The following MACROD2 variants were observed in gnomAD, a reference collection of about 807,000 sequenced individuals.
MACROD2 encodes mono-ADP ribosylhydrolase 2.
A neutral mutation model predicts 70.4 loss-of-function variants in MACROD2; 36 were observed. The observed-to-expected ratio is 0.51, with a 90% confidence interval of 0.39 to 0.68. The LOEUF (loss-of-function observed/expected upper bound fraction) is 0.68, where lower values mean the gene tolerates loss of function less well. MACROD2 is among the 30% of genes least tolerant of loss of function. MACROD2 has a pLI of 0.00. For synonymous variants in MACROD2, 172 were observed against 178.8 expected (o/e 0.96, Z 0.30); for missense variants, 496 against 538.4 (o/e 0.92, Z 0.78).
intron 8 of MACROD2, among the ~76,000 whole-genome samples, chr20:15,516,805 C>T (rs974860010): frequency 1.6e-4 from 24 of 152,246 alleles, no homozygotes; most frequent in African/African-American, 5.8e-4. Context: ...TACTTTCTCC[C>T]ATCATGACTG....
At position 15,738,255 on chromosome 20, in the gene MACROD2, A is replaced by G. The variant is rs2051054329; in HGVS notation, c.646-124490A>G. 3.3e-5 allele frequency among the ~76,000 whole-genome samples: 5 copies of G among 152,354 alleles called. No individual in the cohort carries two copies. In the South Asian group the frequency reaches 6.2e-4, roughly 19 times the overall value. On this transcript the variant is annotated intron_variant, in intron 8 of 17. Transcript: ENST00000684519. Reference sequence around the variant, plus strand: ...GGTGATAGATACCTCATTTATTCTGATATGATTATTACGCATTGCATGCCT... The same window carrying G: ...GGTGATAGATACCTCATTTATTCTGGTATGATTATTACGCATTGCATGCCT...
At chr20:14,387,963 A>G (rs1353226079) in intron 3 of MACROD2, among the ~76,000 whole-genome samples, 1 of 149,390 alleles carries the variant, frequency 6.7e-6, no homozygotes, top group Non-Finnish European at 1.5e-5. Context: ...CCTTTGGTTC[A>G]TTTTAAAATT....
chr20:14,274,733 T>C (rs1428624750), intron 3 of MACROD2, among the ~76,000 whole-genome samples: 1 of 152,230 alleles, frequency 6.6e-6, no homozygotes, highest in East Asian at 1.9e-4. Context: ...GACATGATTG[T>C]ATATGTAGAA....
chr20:14,075,072 C>T (rs999357376), intron 2 of MACROD2, among the ~76,000 whole-genome samples: 12 of 151,878 alleles, frequency 7.9e-5, no homozygotes, highest in Non-Finnish European at 1.3e-4. Flanking sequence ...AAATAATGGC[C>T]CCAAAGCACA....
chr20:14,511,188 G>T (rs2085025553), intron 4 of MACROD2, among the ~76,000 whole-genome samples: 1 of 152,058 alleles, frequency 6.6e-6, no homozygotes, highest in Admixed American at 6.6e-5. Flanking sequence ...GTGTTGACAG[G>T]AGGGAGGCTG....
At chr20:15,887,902 G>A (rs958501750) in intron 10 of MACROD2, among the ~76,000 whole-genome samples, 2 of 151,980 alleles carry the variant, frequency 1.3e-5, no homozygotes, top group Admixed American at 6.5e-5. Flanking sequence ...TTACATACAC[G>A]TTCCAGTTCA....
chr20:15,088,421 ATATATATATATATATATATATATATATAT>A (rs1568567323), intron 5 of MACROD2, among the ~76,000 whole-genome samples: 10 of 35,052 alleles, frequency 2.9e-4, no homozygotes, highest in Non-Finnish European at 7.9e-4. Flanking sequence ...ATATATATAT[ATATATATATATATATATATATATATATAT>A]AATATTTTGT....
intron 5 of MACROD2, among the ~76,000 whole-genome samples, chr20:14,734,509 C>G (rs1337745251): frequency 8.2e-6 from 1 of 121,320 alleles, no homozygotes; most frequent in African/African-American, 3.1e-5. Context: ...TCAAAAAAAA[C>G]AAAAAAACAA....
At chr20:15,900,923 T>C (rs548854246) in intron 10 of MACROD2, among the ~76,000 whole-genome samples, 2 of 152,270 alleles carry the variant, frequency 1.3e-5, no homozygotes, top group African/African-American at 2.4e-5. Context: ...TTAAATAAGA[T>C]GATTTATGGA....
intron 10 of MACROD2, among the ~76,000 whole-genome samples, chr20:15,926,231 T>C (rs2147302108): frequency 6.6e-6 from 1 of 152,330 alleles, no homozygotes; most frequent in Non-Finnish European, 1.5e-5. Flanking sequence ...CTAAATGACA[T>C]GTGGAACCTC....
chr20:14,700,726 G>A (rs1306414839), intron 5 of MACROD2, among the ~76,000 whole-genome samples: 1 of 152,152 alleles, frequency 6.6e-6, no homozygotes, highest in East Asian at 1.9e-4. Context: ...CTCTGTGAAT[G>A]TTGGTGCCTT....
chr20:16,011,192 T>C (rs1601319914), intron 15 of MACROD2, among the ~76,000 whole-genome samples: 3 of 152,166 alleles, frequency 2.0e-5, no homozygotes, highest in African/African-American at 7.2e-5. Context: ...TGTTGAACAA[T>C]GAAATTGTGA....
rs376581995 is a variant in MACROD2 at position 15,067,087 on chromosome 20, C to A, written c.419-162853C>A. ...CACATTTTATTTCCTATTTTATCTT[C>A]TAAGAGTCAGAAACAAATTCCGATA... On this transcript the variant is annotated intron_variant, in intron 5 of 17. Transcript: ENST00000684519. Among the ~76,000 whole-genome samples the A allele has an allele frequency of 2.0e-5, 3 of 152,190 alleles. No individual in the cohort carries two copies. The East Asian group carries it at 5.8e-4, about 29-fold the overall frequency.
intron 4 of MACROD2, among the ~76,000 whole-genome samples, chr20:14,552,837 C>T (rs2123266904): frequency 6.6e-6 from 1 of 152,192 alleles, no homozygotes; most frequent in Admixed American, 6.5e-5. Context: ...GGGCACTTAC[C>T]ATGAATGGAG....
chr20:14,406,544 G>C (rs67253970), intron 3 of MACROD2, among the ~76,000 whole-genome samples: 22,852 of 151,968 alleles, frequency 0.15, 2,201 homozygotes, highest in Non-Finnish European at 0.21. Context: ...CAGCTATTTA[G>C]TCTCCTTCTT....
intron 8 of MACROD2, among the ~76,000 whole-genome samples, chr20:15,642,147 CCA>C (rs1189385878): frequency 2.6e-5 from 4 of 152,140 alleles, no homozygotes; most frequent in Admixed American, 2.6e-4. Context: ...ACAAAAGATT[CCA>C]TCTCTGGTGA....
intron 3 of MACROD2, chr20:14,324,322 A>T (rs1312076650): frequency 2.0e-5 from 3 of 152,470 alleles, no homozygotes; most frequent in Non-Finnish European, 4.4e-5. Flanking sequence ...CAGAAAAGTG[A>T]TATGGTTTTT....
At chr20:14,769,166 A>G (rs1005855825) in intron 5 of MACROD2, among the ~76,000 whole-genome samples, 2 of 152,116 alleles carry the variant, frequency 1.3e-5, no homozygotes, top group African/African-American at 4.8e-5. Flanking sequence ...AGTTTGAAAA[A>G]TGAAGGTCTA....
At chr20:16,011,453 G>T (rs560071066) in intron 15 of MACROD2, among the ~76,000 whole-genome samples, 1 of 152,342 alleles carries the variant, frequency 6.6e-6, no homozygotes, top group East Asian at 1.9e-4. Flanking sequence ...GTTCTGAGCG[G>T]TGCAAATTGT....
Sources: allele counts gnomAD v4.1 joint callset (sites outside exome capture counted in the v4.1 genomes callset), GRCh38; gene constraint gnomAD v4.1.1; transcripts MANE v1.5; gene names NCBI Gene and HGNC (gene_info 2026-07-23, HGNC 2026-07-21).